The following ERAP2 variants were observed in gnomAD, a reference collection of about 807,000 sequenced individuals.
ERAP2 encodes endoplasmic reticulum aminopeptidase 2.
A neutral mutation model predicts 111.1 loss-of-function variants in ERAP2; 118 were observed. That is an observed-to-expected ratio of 1.06 (90% confidence interval 0.92 to 1.24). ERAP2 has a LOEUF of 1.24. Among genes scored for constraint, ERAP2 ranks in the 50% most tolerant of loss-of-function variants. ERAP2 has a pLI of 0.00. For missense variants in ERAP2, 1,131 were observed against 1,125.8 expected (o/e 1.00, Z -0.07); for synonymous variants, 410 against 401.2 (o/e 1.02, Z -0.26).
chr5:96,881,329 G>C, intron 2 of ERAP2: 1 of 441,468 alleles, frequency 2.3e-6, no homozygotes, highest in East Asian at 7.0e-5. Context: ...AGTGCTTATG[G>C]AGTGAAACAA....
chr5:96,880,705 A>G (rs1220331961), intron 2 of ERAP2, among the ~76,000 whole-genome samples: 1 of 152,192 alleles, frequency 6.6e-6, no homozygotes, highest in African/African-American at 2.4e-5. Flanking sequence ...GAAACAAGGA[A>G]CTAGTTTGGA....
Position 96,886,792 on chromosome 5 carries a change from G to A in ERAP2, c.849+3G>A, listed in dbSNP as rs1010797886. Reference sequence around the variant, plus strand: ...GCTTCACTTCATCAGGGGTCAAGGTGAGACTGAGTTCTAACGTTCTACGCA... The same window carrying A: ...GCTTCACTTCATCAGGGGTCAAGGTAAGACTGAGTTCTAACGTTCTACGCA... On this transcript the variant is annotated splice_donor_region_variant and intron_variant, in intron 4 of 18. Transcript: ENST00000437043. The A allele has an allele frequency of 2.7e-6, 4 of 1,486,568 alleles. No individual in the cohort carries two copies. Among genetic ancestry groups the A allele is most frequent in the Non-Finnish European group, 3.6e-6 (4 of 1,097,254 alleles). The allele number at this position is 1,486,568 out of a possible 1,614,324, so 92.1% of individuals were successfully genotyped here.
chr5:96,912,744 A>G lies in ERAP2; in HGVS notation c.2462A>G (p.Gln821Arg), dbSNP rs761472538. The G allele has an allele frequency of 6.2e-7, 1 of 1,601,592 alleles. No homozygotes were observed. Among genetic ancestry groups the G allele is most frequent in the Non-Finnish European group, 8.5e-7 (1 of 1,176,974 alleles). ...GAACTGTCAATGTCAAGTGCTGAAC[A>G]AAACAAAATTCTGTATGCTTTGTCA... is the stretch of plus-strand genomic sequence containing the variant. ...QYELSMSSAE[Q>R]NKILYALSTS... is the part of the protein sequence containing the mutation. Residue 821 changes from glutamine to arginine, a missense_variant, in exon 16 of 19, where the codon CAA becomes CGA. By Grantham distance (43) the Gln-to-Arg change is conservative. Transcript: ENST00000437043.
At chr5:96,892,737 A>G (rs1784506687) in intron 6 of ERAP2, among the ~76,000 whole-genome samples, 1 of 152,218 alleles carries the variant, frequency 6.6e-6, no homozygotes, top group African/African-American at 2.4e-5. Context: ...GTGACTATAC[A>G]GACACATGAA....
At chr5:96,886,539 C>A (rs1209107016) in intron 3 of ERAP2, 116 bp from the exon 4 acceptor site, 2 of 796,976 alleles carry the variant, frequency 2.5e-6, no homozygotes, top group Admixed American at 3.6e-5. Context: ...CCTAGGAGGT[C>A]ATCGATTGTC....
At chr5:96,914,146 T>TCACACACACACACACACACACACACA (rs778108523) in intron 17 of ERAP2, among the ~76,000 whole-genome samples, 1 of 104,652 alleles carries the variant, frequency 9.6e-6, no homozygotes, top group African/African-American at 3.9e-5. Context: ...TCTCTCTCTC[T>TCACACACACACACACACACACACACA]CTCACACACA....
chr5:96,877,195 G>A (rs1308093263), intron 1 of ERAP2, among the ~76,000 whole-genome samples: 2 of 152,100 alleles, frequency 1.3e-5, no homozygotes, highest in Non-Finnish European at 1.5e-5. Flanking sequence ...GGCTGGTCTC[G>A]AATTCCTGAC....
intron 3 of ERAP2, 114 bp downstream of exon 3, chr5:96,884,044 ATC>A: frequency 2.8e-6 from 1 of 352,138 alleles, no homozygotes; most frequent in Non-Finnish European, 5.2e-6. Context: ...TTATCTATCT[ATC>A]TATCTATCTA....
Position 96,919,350 on chromosome 5 carries a change from A to G in ERAP2, c.*1745A>G, listed in dbSNP as rs932752343. 2 of 152,312 alleles carry G rather than the reference A, an allele frequency of 1.3e-5. No homozygotes were observed. The highest frequency in any genetic ancestry group is 2.4e-5 in the African/African-American group (1 of 41,444). The allele number at this position is 152,312 out of a possible 1,614,324, so 9.4% of individuals were successfully genotyped here. On this transcript the variant is annotated 3_prime_UTR_variant, in exon 19 of 19. Transcript: ENST00000437043. ...GACTCTAACTTTGACTTGGTGGTGGACCTTCCTTGGTTTTTATAACACCTA... is the reference window on the plus strand; with the variant it reads ...GACTCTAACTTTGACTTGGTGGTGGGCCTTCCTTGGTTTTTATAACACCTA...
At chr5:96,892,532 A>C in intron 6 of ERAP2, 79 bp downstream of exon 6, 1 of 1,534,452 alleles carries the variant, frequency 6.5e-7, no homozygotes, top group Non-Finnish European at 8.9e-7. Context: ...TCCTGAAACA[A>C]AATAAATCAT....
intron 16 of ERAP2, among the ~76,000 whole-genome samples, 191 bp from the exon 17 acceptor site, chr5:96,913,126 A>G (rs1786988352): frequency 6.6e-6 from 1 of 152,200 alleles, no homozygotes; most frequent in Non-Finnish European, 1.5e-5. Context: ...TAATAAGTAA[A>G]TGTTTTTGAT....
chr5:96,884,162 CA>C (rs1783487327), intron 3 of ERAP2, among the ~76,000 whole-genome samples: 1 of 151,656 alleles, frequency 6.6e-6, no homozygotes, highest in African/African-American at 2.4e-5. Context: ...TTTTCCCAAG[CA>C]AAGTGATTTA....
chr5:96,885,559 A>G (rs1421039515), intron 3 of ERAP2, among the ~76,000 whole-genome samples: 1 of 152,220 alleles, frequency 6.6e-6, no homozygotes, highest in African/African-American at 2.4e-5. Context: ...CCATCAAAGT[A>G]GACTAGATAA....
chr5:96,902,565 TAG>T (rs77181606), intron 12 of ERAP2: 19,941 of 458,220 alleles, frequency 0.044, 1,080 homozygotes, highest in East Asian at 0.17. Flanking sequence ...TTTTATCATT[TAG>T]AGACAGATTA....
chr5:96,917,577 T>C lies in ERAP2; in HGVS notation c.2855T>C (p.Leu952Pro), dbSNP rs73152140. 1,052 of 1,613,720 alleles carry C rather than the reference T, an allele frequency of 6.5e-4. 8 individuals carry two copies. The African/African-American group carries it at 0.013, about 20-fold the overall frequency. ...IKWLEKNLPT[L>P]RTWLMVNT The stretch of plus-strand genomic sequence containing the variant: ...TGGCTGGAGAAGAATCTTCCGACTC[T>C]GAGGACTTGGCTAATGGTTAATACT... Residue 952 changes from leucine (L) to proline (P), a missense_variant, in exon 19 of 19, where the codon CTG becomes CCG. Coordinates refer to ENST00000437043, the MANE Select transcript of ERAP2 (RefSeq NM_022350.5).
At chr5:96,895,919 A>G (rs116051424) in intron 7 of ERAP2, among the ~76,000 whole-genome samples, 153 of 152,318 alleles carry the variant, frequency 1.0e-3, no homozygotes, top group African/African-American at 3.6e-3. Flanking sequence ...CTATAGACAG[A>G]CATGGATTCA....
Position 96,913,422 on chromosome 5 carries a change from T to C in ERAP2, c.2622T>C (p.Asp874=), listed in dbSNP as rs1199985488. The change falls in exon 17 of 19, where the codon GAT becomes GAC. Residue 874 remains aspartate (D), a synonymous_variant. Transcript: ENST00000437043. The part of the protein sequence containing the change: ...RRPKGQQLAW[D]FVRENWTHLL... ...CAAAGGGGCAGCAACTAGCATGGGA[T>C]TTTGTAAGAGAAAATTGGACCCATC... The C allele has an allele frequency of 6.2e-7, 1 of 1,614,158 alleles. No homozygotes were observed. The highest frequency in any genetic ancestry group is 1.6e-4 in the Middle Eastern group (1 of 6,062).
At position 96,903,507 on chromosome 5, in the gene ERAP2, T is replaced by A; in HGVS notation, c.1959T>A (p.Leu653=). Residue 653 remains leucine, a synonymous_variant, in exon 13 of 19, where the codon CTT becomes CTA. Transcript: ENST00000437043. Reference sequence around the variant, plus strand: ...CACAGCTGAATCAGAACCACACACTTCTCAGACCTAAGGACAGAGTAGGTC... The same window carrying A: ...CACAGCTGAATCAGAACCACACACTACTCAGACCTAAGGACAGAGTAGGTC... ...LITQLNQNHT[L]LRPKDRVGLI... is the part of the protein sequence containing the mutation. The A allele has an allele frequency of 6.2e-7, 1 of 1,613,902 alleles. No individual in the cohort carries two copies. Among genetic ancestry groups the A allele is most frequent in the Non-Finnish European group, 8.5e-7 (1 of 1,179,894 alleles).
intron 2 of ERAP2, among the ~76,000 whole-genome samples, chr5:96,882,644 T>C (rs1156889134): frequency 6.6e-6 from 1 of 152,218 alleles, no homozygotes; most frequent in Non-Finnish European, 1.5e-5. Context: ...GTTTTTTCAA[T>C]GTAGACTTGT....
Sources: allele counts gnomAD v4.1 joint callset (sites outside exome capture counted in the v4.1 genomes callset), GRCh38; gene constraint gnomAD v4.1.1; transcripts MANE v1.5; gene names NCBI Gene and HGNC (gene_info 2026-07-23, HGNC 2026-07-21).